The following PAPSS1 variants were observed in gnomAD, a reference collection of about 807,000 sequenced individuals.
The protein encoded by PAPSS1 is bifunctional 3'-phosphoadenosine 5'-phosphosulfate synthase 1.
PAPSS1 carries 50 observed loss-of-function variants against 72.0 expected under a neutral mutation model. The observed-to-expected ratio is 0.69, with a 90% CI of 0.55 to 0.88. The LOEUF (loss-of-function observed/expected upper bound fraction) is 0.88, where lower values mean the gene tolerates loss of function less well. Ranked by LOEUF, PAPSS1 falls within the 40% of genes least tolerant of loss-of-function variation. The pLI, the probability that PAPSS1 is intolerant of heterozygous loss-of-function variation, is 0.00. For synonymous variants in PAPSS1, 261 were observed against 263.6 expected, an observed-to-expected ratio of 0.99 and a Z score of 0.09; for missense variants, 657 against 782.2, an observed-to-expected ratio of 0.84 and a Z score of 1.91.
intron 9 of PAPSS1, among the ~76,000 whole-genome samples, chr4:107,645,535 A>G (rs1726670074): frequency 1.3e-5 from 2 of 152,240 alleles, no homozygotes; most frequent in Admixed American, 6.5e-5. Context: ...TCAAAAATTT[A>G]CTTACTGTCC....
intron 11 of PAPSS1, among the ~76,000 whole-genome samples, chr4:107,615,361 T>A (rs1157981440): frequency 6.6e-6 from 1 of 152,146 alleles, no homozygotes; most frequent in Non-Finnish European, 1.5e-5. Flanking sequence ...CACGAGCCTG[T>A]TTACTTCTAG....
intron 5 of PAPSS1, among the ~76,000 whole-genome samples, chr4:107,661,393 G>T (rs879848645): frequency 2.0e-4 from 31 of 152,192 alleles, no homozygotes; most frequent in Admixed American, 5.2e-4. Context: ...ACCTGCACAG[G>T]GTGTTTAAAG....
chr4:107,662,896 A>C (rs1727225284), intron 5 of PAPSS1, among the ~76,000 whole-genome samples: 1 of 152,174 alleles, frequency 6.6e-6, no homozygotes, highest in Non-Finnish European at 1.5e-5. Flanking sequence ...GTTCAGAGTC[A>C]ATTTTTCCTG....
In PAPSS1 at chr4:107,614,399, G is replaced by GA; in HGVS notation, c.1737-13dup. 1 of 1,581,682 alleles carries GA rather than the reference G, an allele frequency of 6.3e-7. No individual in the cohort carries two copies. Among genetic ancestry groups the GA allele is most frequent in the Admixed American group, 1.8e-5 (1 of 54,324 alleles). ...CAAAGTCTTCATGGCTAAAGGAGAG[G>GA]AAAAAAAGAAAATTATTTCATAATT... On this transcript the variant is annotated splice_polypyrimidine_tract_variant and intron_variant, in intron 11 of 11. Coordinates refer to ENST00000265174, the MANE Select transcript of PAPSS1 (RefSeq NM_005443.5).
intron 2 of PAPSS1, among the ~76,000 whole-genome samples, chr4:107,698,742 G>C (rs1376747533): frequency 6.6e-6 from 1 of 152,100 alleles, no homozygotes; most frequent in Non-Finnish European, 1.5e-5. Context: ...TTATAGGGAG[G>C]GCCCCACAAC....
chr4:107,695,891 C>T (rs1723051985), intron 2 of PAPSS1, among the ~76,000 whole-genome samples: 2 of 152,210 alleles, frequency 1.3e-5, no homozygotes, highest in Non-Finnish European at 2.9e-5. Flanking sequence ...AAATAAACAA[C>T]CCCATCAAAA....
Position 107,675,250 on chromosome 4 carries a change from AT to A in PAPSS1, c.669+6764del, listed in dbSNP as rs1727608114. 2.0e-5 allele frequency among the ~76,000 whole-genome samples: 3 copies of A among 152,154 alleles called. No individual in the cohort carries two copies. In the South Asian group the frequency reaches 6.2e-4, roughly 32 times the overall value. ...AAAAAATCAATGAATCCAGCAGCTG[AT>A]TTTTTGAAAAGATCAACAAAATTGA... On this transcript the variant is annotated intron_variant, in intron 5 of 11. Transcript: ENST00000265174.
At chr4:107,699,076 C>T (rs1419243808) in intron 2 of PAPSS1, among the ~76,000 whole-genome samples, 1 of 151,910 alleles carries the variant, frequency 6.6e-6, no homozygotes, top group East Asian at 1.9e-4. Flanking sequence ...ATCAGATAAG[C>T]TTTATTTATA....
intron 11 of PAPSS1, among the ~76,000 whole-genome samples, chr4:107,621,929 G>T (rs1017378500): frequency 6.6e-6 from 1 of 151,978 alleles, no homozygotes; most frequent in Non-Finnish European, 1.5e-5. Context: ...CGCCCAGCCG[G>T]AAGACAGGTT....
At chr4:107,691,465 T>A (rs933525555) in intron 3 of PAPSS1, among the ~76,000 whole-genome samples, 8 of 152,146 alleles carry the variant, frequency 5.3e-5, no homozygotes, top group Non-Finnish European at 1.0e-4. Flanking sequence ...ACCTCTATAC[T>A]AACTCGCTTA....
At chr4:107,671,240 C>A (rs1468330206) in intron 5 of PAPSS1, among the ~76,000 whole-genome samples, 2 of 147,714 alleles carry the variant, frequency 1.4e-5, no homozygotes, top group East Asian at 2.0e-4. Context: ...TGAAGAGCTG[C>A]AAAATTTTCT....
At chr4:107,648,676 C>T (rs527862825) in intron 9 of PAPSS1, among the ~76,000 whole-genome samples, 29 of 152,310 alleles carry the variant, frequency 1.9e-4, no homozygotes, top group African/African-American at 6.3e-4. Flanking sequence ...TACGGTAAAG[C>T]TCCAAGAACA....
At chr4:107,687,284 C>T (rs937019930) in intron 3 of PAPSS1, 107 bp from the exon 4 acceptor site, 1 of 737,698 alleles carries the variant, frequency 1.4e-6, no homozygotes, top group Non-Finnish European at 2.0e-6. Context: ...GGGAAATAGA[C>T]AAAATTTATG....
chr4:107,653,936 T>C (rs2110318504), intron 8 of PAPSS1, among the ~76,000 whole-genome samples: 1 of 152,362 alleles, frequency 6.6e-6, no homozygotes, highest in South Asian at 2.1e-4. Flanking sequence ...GAACAATTTG[T>C]AGCTCTGGGT....
At chr4:107,664,835 G>A (rs1727272694) in intron 5 of PAPSS1, among the ~76,000 whole-genome samples, 1 of 152,168 alleles carries the variant, frequency 6.6e-6, no homozygotes, top group South Asian at 2.1e-4. Flanking sequence ...TACTTTACAT[G>A]TATTAACAAA....
chr4:107,673,902 T>C (rs932451386), intron 5 of PAPSS1, among the ~76,000 whole-genome samples: 2 of 152,142 alleles, frequency 1.3e-5, no homozygotes, highest in African/African-American at 4.8e-5. Context: ...TCAACATTCT[T>C]AAAGAAAAGA....
intron 5 of PAPSS1, among the ~76,000 whole-genome samples, chr4:107,667,410 G>A (rs1183237628): frequency 6.6e-6 from 1 of 152,146 alleles, no homozygotes; most frequent in African/African-American, 2.4e-5. Flanking sequence ...GACAGGGTAG[G>A]GAGGTGGGAA....
chr4:107,672,872 G>T (rs879642681), intron 5 of PAPSS1, among the ~76,000 whole-genome samples: 12 of 152,194 alleles, frequency 7.9e-5, no homozygotes, highest in African/African-American at 2.4e-4. Flanking sequence ...ACTTCCAGAG[G>T]AACGATCAGG....
intron 9 of PAPSS1, among the ~76,000 whole-genome samples, chr4:107,645,690 C>T (rs2110312373): frequency 6.6e-6 from 1 of 152,336 alleles, no homozygotes; most frequent in East Asian, 1.9e-4. Context: ...TGGTTAACTC[C>T]TTATCTCCTG....
Sources: gnomAD v4.1 joint callset for allele counts (sites outside exome capture counted in the v4.1 genomes callset) on GRCh38, gnomAD v4.1.1 for gene constraint, MANE v1.5 for transcripts, NCBI Gene and HGNC (gene_info 2026-07-23, HGNC 2026-07-21) for gene names.